CHST12: variants seen among roughly 807,000 people sequenced by gnomAD.
CHST12 encodes the protein carbohydrate (chondroitin 4) sulfotransferase 12.
Under a neutral mutation model 27.9 loss-of-function variants are expected in CHST12, and 23 were observed. The observed-to-expected ratio is 0.82, with a 90% CI of 0.59 to 1.17. The LOEUF is 1.17. CHST12 is among the 50% of genes most tolerant of loss of function. The pLI is 0.00. For synonymous variants in CHST12, 322 were observed against 273.0 expected (o/e 1.18, Z -1.77); for missense variants, 682 against 603.0 (o/e 1.13, Z -1.37).
At chr7:2,414,944 T>G (rs1215946323) in intron 1 of CHST12, among the ~76,000 whole-genome samples, 1 of 152,242 alleles carries the variant, frequency 6.6e-6, no homozygotes, top group Non-Finnish European at 1.5e-5. Flanking sequence ...TTTGGGACTT[T>G]GTGCTGTCTC....
chr7:2,429,137 C>T (rs1782207782), intron 1 of CHST12, among the ~76,000 whole-genome samples: 1 of 152,208 alleles, frequency 6.6e-6, no homozygotes, highest in Non-Finnish European at 1.5e-5. Context: ...GTGCTGTTGG[C>T]TCATTCTGAC....
intron 1 of CHST12, among the ~76,000 whole-genome samples, chr7:2,417,461 C>T (rs1471822610): frequency 6.8e-6 from 1 of 147,984 alleles, no homozygotes; most frequent in African/African-American, 2.5e-5. Flanking sequence ...GTGATCTTAG[C>T]TCACTGCAAC....
At chr7:2,424,783 C>T (rs567411005) in intron 1 of CHST12, among the ~76,000 whole-genome samples, 4 of 152,294 alleles carry the variant, frequency 2.6e-5, no homozygotes, top group East Asian at 1.9e-4. Context: ...AAATCCTCCT[C>T]GTCCTGAACA....
chr7:2,418,193 T>C lies in CHST12; in HGVS notation c.-77-14370T>C, dbSNP rs1193972773. Among the ~76,000 whole-genome samples the C allele has an allele frequency of 2.6e-5, 4 of 152,384 alleles. No individual in the cohort carries two copies. The East Asian group carries it at 7.7e-4, about 29-fold the overall frequency. On this transcript the variant is annotated intron_variant, in intron 1 of 1. Coordinates refer to ENST00000618655, the MANE Select transcript of CHST12 (RefSeq NM_018641.5). Reference sequence around the variant, plus strand: ...TGGGGCTGCAGAGTCTGCCCCTGGCTTCATGCCCTGCATGTTGTGTGTGAG... The same window carrying C: ...TGGGGCTGCAGAGTCTGCCCCTGGCCTCATGCCCTGCATGTTGTGTGTGAG...
chr7:2,406,471 GTTGAGTACGGGGTGGGGGCACA>G (rs1781527936), intron 1 of CHST12, among the ~76,000 whole-genome samples: 6 of 57,360 alleles, frequency 1.0e-4, no homozygotes, highest in South Asian at 8.7e-4. Flanking sequence ...TGGGGGCACA[GTTGAGTACGGGGTGGGGGCACA>G]GTTGAGTACG....
intron 1 of CHST12, among the ~76,000 whole-genome samples, chr7:2,409,276 C>G (rs921318581): frequency 2.0e-5 from 3 of 152,046 alleles, no homozygotes; most frequent in Non-Finnish European, 2.9e-5. Context: ...GCTGAACAAC[C>G]AAGGTTCACT....
chr7:2,413,723 C>CTTTTTTT (rs1198072520), intron 1 of CHST12, among the ~76,000 whole-genome samples: 8 of 104,100 alleles, frequency 7.7e-5, no homozygotes, highest in Non-Finnish European at 1.1e-4. Flanking sequence ...CAGGTTTTAG[C>CTTTTTTT]TTTTTTTTTT....
chr7:2,444,003 G>T lies in CHST12; in HGVS notation c.*10119G>T, dbSNP rs1032291038. 1 of 150,872 alleles carries T rather than the reference G, an allele frequency of 6.6e-6. No individual in the cohort carries two copies. The highest frequency in any genetic ancestry group is 1.5e-5 in the Non-Finnish European group (1 of 67,756). 9.3% of individuals were successfully genotyped at this position (150,872 alleles called of 1,614,324 possible). A position where few individuals can be genotyped will look rare whatever the true frequency, so the allele number is the denominator to read the frequency against. ...GTCTCTATTAAAAATACAAAAATTA[G>T]GCCGGGCGCGGTGGCTCACGCCTGT... On this transcript the variant is annotated 3_prime_UTR_variant, in exon 2 of 2. Coordinates refer to ENST00000618655, the MANE Select transcript of CHST12 (RefSeq NM_018641.5).
In CHST12 at chr7:2,432,609, C is replaced by A. The variant is rs951624838; in HGVS notation, c.-31C>A. The A allele has an allele frequency of 4.4e-6, 7 of 1,583,642 alleles. No individual in the cohort carries two copies. Among genetic ancestry groups the A allele is most frequent in the Non-Finnish European group, 6.0e-6 (7 of 1,161,638 alleles). ...CTCTGCAGGAAGCTGAAGTGAGAGGCCCGGAGAGGGCCCAGCCCGCCCGGG... is the reference window on the plus strand; with the variant it reads ...CTCTGCAGGAAGCTGAAGTGAGAGGACCGGAGAGGGCCCAGCCCGCCCGGG... On this transcript the variant is annotated 5_prime_UTR_variant, in exon 2 of 2. Transcript: ENST00000618655.
At position 2,435,365 on chromosome 7, in the gene CHST12, C is replaced by T. The variant is rs1180624486; in HGVS notation, c.*1481C>T. 6.6e-6 allele frequency: 1 copy of T among 152,222 alleles called. No individual in the cohort carries two copies. Among genetic ancestry groups the T allele is most frequent in the Non-Finnish European group, 1.5e-5 (1 of 68,086 alleles). The allele number at this position is 152,222 out of a possible 1,614,324, so 9.4% of individuals were successfully genotyped here. Reference sequence around the variant, plus strand: ...AGTACCCAGTGTCACCAAGAAGAGGCTCCGTGTGACTGTCTCTGTGGCTTT... The same window carrying T: ...AGTACCCAGTGTCACCAAGAAGAGGTTCCGTGTGACTGTCTCTGTGGCTTT... On this transcript the variant is annotated 3_prime_UTR_variant, in exon 2 of 2. Coordinates refer to ENST00000618655, the MANE Select transcript of CHST12 (RefSeq NM_018641.5).
chr7:2,411,468 AT>A (rs917371629), intron 1 of CHST12, among the ~76,000 whole-genome samples: 25 of 136,072 alleles, frequency 1.8e-4, no homozygotes, highest in Non-Finnish European at 1.6e-5. Context: ...TTCTGAAATA[AT>A]TTCTTTGAGT....
Position 2,443,768 on chromosome 7 carries a change from T to C in CHST12, c.*9884T>C, listed in dbSNP as rs2115467344. ...TCAGGTATGCTGAGGGAGACACTGTTCTCAAACTCCAGGCCAGGGTGGTTT... is the reference window on the plus strand; with the variant it reads ...TCAGGTATGCTGAGGGAGACACTGTCCTCAAACTCCAGGCCAGGGTGGTTT... On this transcript the variant is annotated 3_prime_UTR_variant, in exon 2 of 2. Transcript: ENST00000618655. 6.6e-6 allele frequency: 1 copy of C among 152,252 alleles called. No homozygotes were observed. Among genetic ancestry groups the C allele is most frequent in the East Asian group, 1.9e-4 (1 of 5,176 alleles). 9.4% of individuals were successfully genotyped at this position (152,252 alleles called of 1,614,324 possible). A position where few individuals can be genotyped will look rare whatever the true frequency, so the allele number is the denominator to read the frequency against.
At position 2,439,377 on chromosome 7, in the gene CHST12, T is replaced by C. The variant is rs1373008174; in HGVS notation, c.*5493T>C. ...ACCATTTCACCAGCAGAGAGATTAA[T>C]TGGAGAATGTGTAATTTTTTCCCCT... On this transcript the variant is annotated 3_prime_UTR_variant, in exon 2 of 2. Coordinates refer to ENST00000618655, the MANE Select transcript of CHST12 (RefSeq NM_018641.5). 1 of 152,030 alleles carries C rather than the reference T, an allele frequency of 6.6e-6. No individual in the cohort carries two copies. Among genetic ancestry groups the C allele is most frequent in the Non-Finnish European group, 1.5e-5 (1 of 67,988 alleles). The allele number at this position is 152,030 out of a possible 1,614,324, so 9.4% of individuals were successfully genotyped here. A position where few individuals can be genotyped will look rare whatever the true frequency, so the allele number is the denominator to read the frequency against.
rs201518792 is a variant in CHST12 at position 2,433,495 on chromosome 7, G to A, written c.856G>A (p.Ala286Thr). 6.2e-7 allele frequency: 1 copy of A among 1,611,714 alleles called. No individual in the cohort carries two copies. The highest frequency in any genetic ancestry group is 8.5e-7 in the Non-Finnish European group (1 of 1,179,880). ...GTACGCCAACCACACCAGCCTGCCCGCCTCGGCGCGCGAGGCCTTCCGCGC... is the reference window on the plus strand; with the variant it reads ...GTACGCCAACCACACCAGCCTGCCCACCTCGGCGCGCGAGGCCTTCCGCGC... ...RLYANHTSLP[A>T]SAREAFRAGL... The change falls in exon 2 of 2, where the codon GCC becomes ACC. Residue 286 changes from alanine (A) to threonine (T), a missense_variant. Coordinates refer to ENST00000618655, the MANE Select transcript of CHST12 (RefSeq NM_018641.5). This position sits in a 1 kb window ranked among gnomAD's most constrained non-coding sequence, Gnocchi z 6.1.
intron 1 of CHST12, 21 bp from the exon 2 acceptor site, chr7:2,432,542 A>T: frequency 7.6e-7 from 1 of 1,315,472 alleles, no homozygotes; most frequent in Non-Finnish European, 1.0e-6. Flanking sequence ...GTCATTAACT[A>T]GTGTGTCATT....
At position 2,433,593 on chromosome 7, in the gene CHST12, C is replaced by T. The variant is rs1328339820; in HGVS notation, c.954C>T (p.Phe318=). 3 of 1,613,594 alleles carry T rather than the reference C, an allele frequency of 1.9e-6. No individual in the cohort carries two copies. The highest frequency in any genetic ancestry group is 2.7e-5 in the African/African-American group (2 of 74,954). The stretch of plus-strand genomic sequence containing the variant: ...CGCACACGGAGAAGCTGGCGCCCTT[C>T]AACGAGCACTGGCGGCAGGTGTACC... ...LDPHTEKLAP[F]NEHWRQVYRL... is the part of the protein sequence containing the mutation. Residue 318 remains phenylalanine (F), a synonymous_variant, in exon 2 of 2, where the codon TTC becomes TTT. Coordinates refer to ENST00000618655, the MANE Select transcript of CHST12 (RefSeq NM_018641.5). The surrounding 1 kb of genome is among the most constrained non-coding windows in gnomAD (Gnocchi z 6.1).
chr7:2,419,631 C>A (rs1020456118), intron 1 of CHST12, among the ~76,000 whole-genome samples: 17 of 149,590 alleles, frequency 1.1e-4, no homozygotes, highest in Non-Finnish European at 2.4e-4. Context: ...CGCTTGAACC[C>A]GGGAAGCAGA....
chr7:2,405,503 T>C (rs1382971241), intron 1 of CHST12, among the ~76,000 whole-genome samples: 2 of 152,154 alleles, frequency 1.3e-5, no homozygotes, highest in Non-Finnish European at 2.9e-5. Context: ...TTTAAACTTT[T>C]ATCCCTTTGG....
At chr7:2,420,843 T>G (rs1402002077) in intron 1 of CHST12, among the ~76,000 whole-genome samples, 1 of 152,200 alleles carries the variant, frequency 6.6e-6, no homozygotes, top group Non-Finnish European at 1.5e-5. Flanking sequence ...GAAGTGGAAT[T>G]GCTGTATCAT....
Sources: gnomAD v4.1 joint callset for allele counts (sites outside exome capture counted in the v4.1 genomes callset) on GRCh38, gnomAD v4.1.1 for gene constraint, Gnocchi (gnomAD v3.1) non-coding constraint, MANE v1.5 for transcripts, NCBI Gene and HGNC (gene_info 2026-07-23, HGNC 2026-07-21) for gene names.